BRF1: variants seen among roughly 807,000 people sequenced by gnomAD.
BRF1 encodes transcription factor IIIB 90 kDa subunit.
In BRF1, 59 loss-of-function variants were observed where a neutral mutation model predicts 81.7. The observed-to-expected ratio is 0.72, with a 90% CI of 0.59 to 0.90. The LOEUF (loss-of-function observed/expected upper bound fraction) is 0.90, where lower values mean the gene tolerates loss of function less well. BRF1 is among the 40% of genes least tolerant of loss of function. The pLI is 0.00. For missense variants in BRF1, 1,050 were observed against 936.3 expected (o/e 1.12, Z -1.58); for synonymous variants, 491 against 395.6 (o/e 1.24, Z -2.86).
chr14:105,244,321 G>A (rs940392244), intron 5 of BRF1, among the ~76,000 whole-genome samples: 4 of 151,504 alleles, frequency 2.6e-5, no homozygotes, highest in African/African-American at 9.7e-5. Flanking sequence ...ATGCATACCT[G>A]TTGTCTCAGC....
chr14:105,227,007 G>C (rs1893213716), intron 7 of BRF1: 1 of 458,692 alleles, frequency 2.2e-6, no homozygotes, highest in Non-Finnish European at 3.8e-6. Context: ...TCTGCTACTT[G>C]GGAGGCTGAG....
chr14:105,248,658 GGGGTGGCAGGGGAGC>G (rs1297213697), intron 5 of BRF1: 5 of 980,976 alleles, frequency 5.1e-6, no homozygotes, highest in African/African-American at 3.5e-5. Flanking sequence ...CGCAGGGGCG[GGGGTGGCAGGGGAGC>G]GGGTGGCAGC....
Position 105,300,729 on chromosome 14 carries a change from G to A in BRF1, c.-100C>T. ...CCGCCCGCCCAGGCCCAGCCGCCCA[G>A]GCCTCGCCGCTCTCGCGAGGCCCCG... is the stretch of plus-strand genomic sequence containing the variant. On this transcript the variant is annotated 5_prime_UTR_variant, in exon 1 of 18. Coordinates refer to ENST00000547530, the MANE Select transcript of BRF1 (RefSeq NM_001519.4). 1 of 972,030 alleles carries A rather than the reference G, an allele frequency of 1.0e-6. No individual in the cohort carries two copies. Among genetic ancestry groups the A allele is most frequent in the Non-Finnish European group, 1.3e-6 (1 of 760,684 alleles). The allele number at this position is 972,030 out of a possible 1,614,324, so 60.2% of individuals were successfully genotyped here. A position where few individuals can be genotyped will look rare whatever the true frequency, so the allele number is the denominator to read the frequency against.
intron 2 of BRF1, among the ~76,000 whole-genome samples, chr14:105,280,104 C>T (rs765496497): frequency 6.6e-6 from 1 of 152,240 alleles, no homozygotes; most frequent in Non-Finnish European, 1.5e-5. Context: ...GTGACGTTTA[C>T]AGCAGCTTCA....
intron 1 of BRF1, among the ~76,000 whole-genome samples, chr14:105,292,970 AC>A (rs1346633894): frequency 3.9e-5 from 6 of 152,162 alleles, no homozygotes; most frequent in Non-Finnish European, 7.3e-5. Flanking sequence ...GGAAAACAGG[AC>A]GTGTGTCACG....
intron 8 of BRF1, 22 bp downstream of exon 8, chr14:105,226,612 C>G: frequency 6.2e-7 from 1 of 1,612,644 alleles, no homozygotes; most frequent in Non-Finnish European, 8.5e-7. Context: ...CCAGCACAGA[C>G]AGACACCAAA....
chr14:105,216,150 T>C (rs1891251278), intron 15 of BRF1, among the ~76,000 whole-genome samples: 1 of 152,082 alleles, frequency 6.6e-6, no homozygotes, highest in Admixed American at 6.6e-5. Flanking sequence ...ACGCACTGCA[T>C]GTACATGTAT....
chr14:105,212,369 A>C, intron 15 of BRF1: 1 of 608,786 alleles, frequency 1.6e-6, no homozygotes, highest in Non-Finnish European at 2.8e-6. Context: ...CACATTCTCA[A>C]CAGCGAGCAG....
upstream of BRF1, among the ~76,000 whole-genome samples, chr14:105,302,391 C>T (rs1202248848): frequency 1.3e-5 from 2 of 150,660 alleles, no homozygotes; most frequent in African/African-American, 2.4e-5. Flanking sequence ...TTAGTAGAGA[C>T]GGGGTTTCTC....
rs897721955 is a variant in BRF1 at position 105,210,171 on chromosome 14, G to C, written c.*380C>G. The C allele has an allele frequency of 6.5e-6, 2 of 305,878 alleles. No homozygotes were observed. The highest frequency in any genetic ancestry group is 4.4e-5 in the African/African-American group (2 of 45,718). The allele number at this position is 305,878 out of a possible 1,614,324, so 18.9% of individuals were successfully genotyped here. ...CTCCAGAGCTGGTCCTGAGTCACAG[G>C]GCCAGCACACTCAGCCCTCCACACA... On this transcript the variant is annotated 3_prime_UTR_variant, in exon 18 of 18. Coordinates refer to ENST00000547530, the MANE Select transcript of BRF1 (RefSeq NM_001519.4). This position sits in a 1 kb window ranked among gnomAD's most constrained non-coding sequence, Gnocchi z 4.7.
chr14:105,246,944 T>C, intron 5 of BRF1: 1 of 985,420 alleles, frequency 1.0e-6, no homozygotes, highest in Non-Finnish European at 1.2e-6. Flanking sequence ...TGTAAGTTAT[T>C]CCTTCTCACT....
chr14:105,301,872 C>A (rs959159112), upstream of BRF1, among the ~76,000 whole-genome samples: 6 of 152,230 alleles, frequency 3.9e-5, no homozygotes, highest in Non-Finnish European at 8.8e-5. Flanking sequence ...CGTAGTGGCT[C>A]ACGCTTGTAA....
chr14:105,306,677 T>C (rs2058197963), intron 1 of BRF1, among the ~76,000 whole-genome samples: 1 of 151,292 alleles, frequency 6.6e-6, no homozygotes, highest in Non-Finnish European at 1.5e-5. Flanking sequence ...ACGATCTTGA[T>C]GTACCGCAAT....
intron 1 of BRF1, among the ~76,000 whole-genome samples, chr14:105,288,249 T>C (rs1241814476): frequency 2.6e-5 from 4 of 152,012 alleles, no homozygotes; most frequent in African/African-American, 9.7e-5. Flanking sequence ...GGTCAGGAGA[T>C]CGAGACCATC....
chr14:105,301,480 G>A (rs1355910602), upstream of BRF1, among the ~76,000 whole-genome samples: 1 of 151,862 alleles, frequency 6.6e-6, no homozygotes, highest in African/African-American at 2.4e-5. Context: ...AGGGCGACCT[G>A]GGACCCAACC....
chr14:105,290,780 T>C (rs1282186032), intron 1 of BRF1, among the ~76,000 whole-genome samples: 1 of 151,830 alleles, frequency 6.6e-6, no homozygotes, highest in African/African-American at 2.4e-5. Context: ...GACCTCTGTT[T>C]CCTGTCCCTG....
chr14:105,306,023 A>G (rs1566883888), intron 1 of BRF1, among the ~76,000 whole-genome samples: 3 of 152,242 alleles, frequency 2.0e-5, no homozygotes, highest in Admixed American at 2.0e-4. Flanking sequence ...AGCGGGGCCC[A>G]GGCTGGGGGT....
chr14:105,285,275 T>C (rs2057274221), intron 2 of BRF1, among the ~76,000 whole-genome samples: 1 of 152,234 alleles, frequency 6.6e-6, no homozygotes, highest in Non-Finnish European at 1.5e-5. Flanking sequence ...ACTGCGAAGC[T>C]TCAGTGTCCT....
rs587699605 is a variant in BRF1, at chr14:105,247,716, C to T, written c.544+4791G>A. The stretch of plus-strand genomic sequence containing the variant: ...GAAGTTTTAAAAGTCTAAAGCCTGG[C>T]GGTCCAGGAGGTTGCGTGTGTGTCC... On this transcript the variant is annotated intron_variant, in intron 5 of 17. Transcript: ENST00000547530. 1.9e-4 allele frequency: 188 copies of T among 985,470 alleles called. No individual in the cohort carries two copies. In the African/African-American group the frequency reaches 2.8e-3, roughly 14 times the overall value. The allele number at this position is 985,470 out of a possible 1,614,324, so 61.0% of individuals were successfully genotyped here. A position where few individuals can be genotyped will look rare whatever the true frequency, so the allele number is the denominator to read the frequency against.
Sources: gnomAD v4.1 joint callset for allele counts (sites outside exome capture counted in the v4.1 genomes callset) on GRCh38, gnomAD v4.1.1 for gene constraint, Gnocchi (gnomAD v3.1) non-coding constraint, MANE v1.5 for transcripts, NCBI Gene and HGNC (gene_info 2026-07-23, HGNC 2026-07-21) for gene names.